Variants in NRG4 observed in about 807,000 individuals in gnomAD.
NRG4 encodes pro-neuregulin-4, membrane-bound isoform.
A neutral mutation model predicts 15.0 loss-of-function variants in NRG4; 10 were observed. The observed-to-expected ratio is 0.67, with a 90% confidence interval of 0.41 to 1.13. The LOEUF is 1.13. Among genes scored for constraint, NRG4 ranks in the 50% most tolerant of loss-of-function variants. NRG4 has a pLI of 0.00. For synonymous variants in NRG4, 41 were observed against 50.1 expected, an observed-to-expected ratio of 0.82 and a Z score of 0.77; for missense variants, 139 against 140.2, an observed-to-expected ratio of 0.99 and a Z score of 0.04.
At position 75,983,176 on chromosome 15, in the gene NRG4, G is replaced by A. The variant is rs574651918; in HGVS notation, c.105-21202C>T. ...GACGAACCAGATATTGGAACAAACAGACAAGAATCAAGCCGCTAATATAAC... is the reference window on the plus strand; with the variant it reads ...GACGAACCAGATATTGGAACAAACAAACAAGAATCAAGCCGCTAATATAAC... On this transcript the variant is annotated intron_variant, in intron 3 of 5. Coordinates refer to ENST00000394907, the MANE Select transcript of NRG4 (RefSeq NM_138573.4). Among the ~76,000 whole-genome samples the A allele has an allele frequency of 3.9e-5, 6 of 152,148 alleles. No individual in the cohort carries two copies. The East Asian group carries it at 1.2e-3, about 29-fold the overall frequency.
intron 4 of NRG4, among the ~76,000 whole-genome samples, chr15:76,038,282 A>G (rs1167403243): frequency 6.6e-6 from 1 of 152,208 alleles, no homozygotes; most frequent in African/African-American, 2.4e-5. Context: ...CTCTACCACA[A>G]CGTGGTATAG....
chr15:76,010,041 C>T (rs553777359), intron 2 of NRG4, among the ~76,000 whole-genome samples: 1 of 152,078 alleles, frequency 6.6e-6, no homozygotes, highest in African/African-American at 2.4e-5. Flanking sequence ...CTTTATCTAT[C>T]TTTCTCTCTC....
At chr15:75,969,232 A>C (rs1422281984) in intron 3 of NRG4, 1 of 456,204 alleles carries the variant, frequency 2.2e-6, no homozygotes, top group African/African-American at 2.0e-5. Flanking sequence ...TTCCTGACAA[A>C]AGAAGTTAAG....
chr15:76,009,089 G>A (rs2034712145), intron 3 of NRG4, 111 bp downstream of exon 3: 17 of 700,798 alleles, frequency 2.4e-5, no homozygotes, highest in South Asian at 2.2e-4. Flanking sequence ...ATATGAATAT[G>A]CCTCACATCT....
chr15:75,966,573 G>GA (rs143179107), intron 3 of NRG4, among the ~76,000 whole-genome samples: 9 of 151,926 alleles, frequency 5.9e-5, no homozygotes, highest in Admixed American at 3.3e-4. Context: ...TTATTTCTCA[G>GA]AAAAAAACCC....
intron 3 of NRG4, among the ~76,000 whole-genome samples, chr15:75,965,463 C>T (rs1449474943): frequency 1.3e-5 from 2 of 152,036 alleles, no homozygotes; most frequent in Non-Finnish European, 2.9e-5. Flanking sequence ...AAGTAGAAAC[C>T]TGATGGTAAT....
At chr15:75,976,591 C>A (rs1418049384) in intron 3 of NRG4, among the ~76,000 whole-genome samples, 1 of 152,188 alleles carries the variant, frequency 6.6e-6, no homozygotes, top group African/African-American at 2.4e-5. Context: ...GGCTCCTCTG[C>A]TGCAGGTCTG....
chr15:76,011,143 G>T, intron 2 of NRG4, 78 bp downstream of exon 2: 2 of 1,162,018 alleles, frequency 1.7e-6, no homozygotes, highest in Admixed American at 6.0e-5. Flanking sequence ...ACAGCCTTGT[G>T]TTAATATACA....
intron 2 of NRG4, among the ~76,000 whole-genome samples, chr15:76,054,240 A>G (rs1342358569): frequency 1.3e-5 from 2 of 150,398 alleles, no homozygotes; most frequent in African/African-American, 5.0e-5. Flanking sequence ...AGTGCACACC[A>G]CCACATCTGG....
intron 3 of NRG4, among the ~76,000 whole-genome samples, chr15:75,982,582 G>A (rs1272116549): frequency 6.6e-6 from 1 of 152,170 alleles, no homozygotes; most frequent in African/African-American, 2.4e-5. Flanking sequence ...GAAGGTCCAG[G>A]AGAATGAAGA....
At chr15:75,958,939 T>G (rs1164947359) in intron 4 of NRG4, 1 of 183,252 alleles carries the variant, frequency 5.5e-6, no homozygotes, top group African/African-American at 2.4e-5. Flanking sequence ...GAATTTCATT[T>G]TGGGGCAACT....
chr15:75,982,379 C>T (rs2033640654), intron 3 of NRG4, among the ~76,000 whole-genome samples: 1 of 152,048 alleles, frequency 6.6e-6, no homozygotes, highest in African/African-American at 2.4e-5. Flanking sequence ...GAGAAAAAAA[C>T]ATGATCATGT....
intron 3 of NRG4, among the ~76,000 whole-genome samples, chr15:75,964,152 AAC>A (rs150729499): frequency 5.3e-5 from 8 of 151,038 alleles, no homozygotes; most frequent in Non-Finnish European, 5.9e-5. Context: ...AACACACATA[AAC>A]ACACACACAC....
chr15:75,991,507 T>G (rs754694970), intron 3 of NRG4, among the ~76,000 whole-genome samples: 2 of 152,190 alleles, frequency 1.3e-5, no homozygotes, highest in Non-Finnish European at 2.9e-5. Context: ...ACCTCTGTCC[T>G]GGTGAACATA....
rs2034198002 is a variant in NRG4, at chr15:75,995,913, C to T, written c.104+13287G>A. Among the ~76,000 whole-genome samples the T allele has an allele frequency of 2.0e-5, 3 of 152,314 alleles. No individual in the cohort carries two copies. The South Asian group carries it at 6.2e-4, about 32-fold the overall frequency. ...TGTAGCCAGAAGACTTCATGCATTACAGTTCTAAGTCAGATTATCTCTCTT... is the reference window on the plus strand; with the variant it reads ...TGTAGCCAGAAGACTTCATGCATTATAGTTCTAAGTCAGATTATCTCTCTT... On this transcript the variant is annotated intron_variant, in intron 3 of 5. Coordinates refer to ENST00000394907, the MANE Select transcript of NRG4 (RefSeq NM_138573.4).
chr15:75,951,163 CTTTTT>C lies in NRG4; in HGVS notation c.331+4764_331+4768del, dbSNP rs5813813. 2.6e-3 allele frequency: 238 copies of C among 90,558 alleles called. 1 individual carries two copies. In the East Asian group the frequency reaches 0.035, roughly 13 times the overall value. The allele number at this position is 90,558 out of a possible 1,614,324, so 5.6% of individuals were successfully genotyped here. On this transcript the variant is annotated intron_variant, in intron 5 of 5. Coordinates refer to ENST00000394907, the MANE Select transcript of NRG4 (RefSeq NM_138573.4). ...GGTTCTTCTTTTCTTTTTCTTTTTTCTTTTTTTTTTTTTTTTTTTTTTGAGACGGA... is the reference window on the plus strand; with the variant it reads ...GGTTCTTCTTTTCTTTTTCTTTTTTCTTTTTTTTTTTTTTTTTGAGACGGA...
At chr15:75,996,028 T>C (rs2141881489) in intron 3 of NRG4, among the ~76,000 whole-genome samples, 1 of 152,356 alleles carries the variant, frequency 6.6e-6, no homozygotes, top group Non-Finnish European at 1.5e-5. Flanking sequence ...TCCATTAAAA[T>C]ATTCTGATTA....
At chr15:76,017,342 G>T (rs115298252), upstream of NRG4, among the ~76,000 whole-genome samples, 5,636 of 151,960 alleles carry the variant, frequency 0.037, 183 homozygotes, top group African/African-American at 0.085. Flanking sequence ...TGTTTACATT[G>T]AAGATTAATA....
chr15:75,989,057 T>C (rs975016948), intron 3 of NRG4, among the ~76,000 whole-genome samples: 3 of 151,852 alleles, frequency 2.0e-5, no homozygotes, highest in African/African-American at 7.3e-5. Flanking sequence ...GGGGTCTCAC[T>C]ATGTTGTCCA....
Sources: allele counts gnomAD v4.1 joint callset (sites outside exome capture counted in the v4.1 genomes callset), GRCh38; gene constraint gnomAD v4.1.1; transcripts MANE v1.5; gene names NCBI Gene and HGNC (gene_info 2026-07-23, HGNC 2026-07-21).